PHKB: variants seen among roughly 807,000 people sequenced by gnomAD.
PHKB encodes phosphorylase kinase regulatory subunit beta.
In PHKB, 122 loss-of-function variants were observed where a neutral mutation model predicts 152.1. The observed-to-expected ratio is 0.80, with a 90% CI of 0.69 to 0.93. The LOEUF (loss-of-function observed/expected upper bound fraction) is 0.93, where lower values mean the gene tolerates loss of function less well. Among genes scored for constraint, PHKB ranks in the 40% least tolerant of loss-of-function variants. PHKB has a pLI of 0.00. For synonymous variants in PHKB, 436 were observed against 464.9 expected, an observed-to-expected ratio of 0.94 and a Z score of 0.80; for missense variants, 1,304 against 1,328.4, an observed-to-expected ratio of 0.98 and a Z score of 0.29.
chr16:47,679,663 T>G (rs1177223538), intron 26 of PHKB, among the ~76,000 whole-genome samples: 31 of 152,232 alleles, frequency 2.0e-4, no homozygotes, highest in Admixed American at 2.0e-3. Flanking sequence ...CTTAAGGAGA[T>G]TTTGGGCTAA....
intron 1 of PHKB, among the ~76,000 whole-genome samples, chr16:47,489,290 A>T (rs1970105125): frequency 6.6e-6 from 1 of 152,152 alleles, no homozygotes; most frequent in South Asian, 2.1e-4. Context: ...TGACCTCGTG[A>T]GGAGAACTCC....
At chr16:47,603,751 C>T (rs910271615) in intron 13 of PHKB, among the ~76,000 whole-genome samples, 3 of 152,142 alleles carry the variant, frequency 2.0e-5, no homozygotes, top group African/African-American at 4.8e-5. Flanking sequence ...GCAATCTGCC[C>T]GCCTTGGCCT....
At chr16:47,582,438 C>G (rs895792532) in intron 8 of PHKB, among the ~76,000 whole-genome samples, 1 of 152,186 alleles carries the variant, frequency 6.6e-6, no homozygotes, top group African/African-American at 2.4e-5. Flanking sequence ...TTACTTTACT[C>G]TGCATTTGGA....
At chr16:47,688,913 G>C in intron 26 of PHKB, 128 bp from the exon 27 acceptor site, 1 of 966,804 alleles carries the variant, frequency 1.0e-6, no homozygotes, top group Non-Finnish European at 1.7e-6. Context: ...AACGGTTCAG[G>C]AAACTCAAAC....
intron 26 of PHKB, among the ~76,000 whole-genome samples, chr16:47,685,234 G>A (rs1973942102): frequency 6.6e-6 from 1 of 152,198 alleles, no homozygotes; most frequent in South Asian, 2.1e-4. Context: ...AGACCAGCCT[G>A]TCCAACATGG....
intron 22 of PHKB, 32 bp downstream of exon 22, chr16:47,660,851 A>C (rs1197189710): frequency 1.9e-6 from 3 of 1,610,684 alleles, no homozygotes; most frequent in East Asian, 2.2e-5. Flanking sequence ...CATGGCCCTA[A>C]GTGAGGTTGC....
At position 47,503,092 on chromosome 16, in the gene PHKB, T is replaced by TA. The variant is rs1308116391; in HGVS notation, c.405+6dup. On this transcript the variant is annotated splice_region_variant and intron_variant, in intron 4 of 30. Transcript: ENST00000323584. The stretch of plus-strand genomic sequence containing the variant: ...TGCTATATGCGTCAGGCCGATAAGG[T>TA]AAAACATTGTGGTGTGGACGGGAAT... The TA allele has an allele frequency of 6.4e-7, 1 of 1,561,980 alleles. No individual in the cohort carries two copies. Among genetic ancestry groups the TA allele is most frequent in the Non-Finnish European group, 8.8e-7 (1 of 1,132,688 alleles).
intron 7 of PHKB, chr16:47,566,437 G>C (rs1971568415): frequency 6.2e-7 from 1 of 1,609,470 alleles, no homozygotes; most frequent in South Asian, 1.1e-5. Context: ...TTGAGACTCA[G>C]GGCACTGAGC....
Position 47,588,985 on chromosome 16 carries a change from T to C in PHKB, c.951T>C (p.Leu317=), listed in dbSNP as rs1415458850. 10 of 1,613,690 alleles carry C rather than the reference T, an allele frequency of 6.2e-6. No homozygotes were observed. Among genetic ancestry groups the C allele is most frequent in the Admixed American group, 1.7e-5 (1 of 59,966 alleles). ...ATGAAGTTCTTTTTAGCCAGACACT[T>C]GATAAAGTGGTTAGAAAATTAAAAG... The part of the protein sequence containing the change: ...LDDEVLFSQT[L]DKVVRKLKGK... The change falls in exon 10 of 31, where the codon CTT becomes CTC. Residue 317 remains leucine, a synonymous_variant. Coordinates refer to ENST00000323584, the MANE Select transcript of PHKB (RefSeq NM_000293.3).
Position 47,499,547 on chromosome 16 carries a change from A to G in PHKB, c.167-209A>G, listed in dbSNP as rs2302718. Among the ~76,000 whole-genome samples, 73 of 152,326 alleles carry G rather than the reference A, an allele frequency of 4.8e-4. No individual in the cohort carries two copies. In the East Asian group the frequency reaches 0.014, roughly 29 times the overall value. On this transcript the variant is annotated intron_variant, in intron 2 of 30. Transcript: ENST00000323584. ...CTAATTAGCTGAGTCCTTTCCTAAAACTGGAAAGATTTCTTTATGTAGGGT... is the reference window on the plus strand; with the variant it reads ...CTAATTAGCTGAGTCCTTTCCTAAAGCTGGAAAGATTTCTTTATGTAGGGT...
chr16:47,682,582 C>A (rs1030027390), intron 26 of PHKB, among the ~76,000 whole-genome samples: 2 of 152,222 alleles, frequency 1.3e-5, no homozygotes, highest in African/African-American at 4.8e-5. Context: ...GCATTCTTCA[C>A]ATAGTTCTCG....
In PHKB at chr16:47,594,150, CA is replaced by C. The variant is rs747499173; in HGVS notation, c.1142del (p.Asn381IlefsTer12). The stretch of plus-strand genomic sequence containing the variant: ...TTTATATTTTAGGAGTTTTTAGAGG[CA>C]ATCCTAAGCAAGTACAGGAATATCA... ...YMMIDGVFRG[N>X]PKQVQEYQDL... is the part of the protein sequence containing the mutation. On this transcript the variant is annotated frameshift_variant, in exon 12 of 31. Transcript: ENST00000323584. LOFTEE classifies it high-confidence loss of function. The C allele has an allele frequency of 1.3e-6, 2 of 1,536,732 alleles. No individual in the cohort carries two copies. The highest frequency in any genetic ancestry group is 1.8e-6 in the Non-Finnish European group (2 of 1,110,010).
chr16:47,605,176 A>G (rs550562582), intron 13 of PHKB, among the ~76,000 whole-genome samples: 1 of 152,250 alleles, frequency 6.6e-6, no homozygotes, highest in South Asian at 2.1e-4. Context: ...CTAACCGACT[A>G]ATTTATTATT....
intron 26 of PHKB, among the ~76,000 whole-genome samples, chr16:47,683,955 C>T (rs1316193018): frequency 6.6e-6 from 1 of 151,942 alleles, no homozygotes; most frequent in Non-Finnish European, 1.5e-5. Context: ...CTTGTCTTAT[C>T]TTGAAATCTT....
intron 7 of PHKB, among the ~76,000 whole-genome samples, chr16:47,570,272 T>A (rs1362892509): frequency 2.6e-5 from 4 of 152,228 alleles, no homozygotes; most frequent in Non-Finnish European, 5.9e-5. Flanking sequence ...GATCTCCTTT[T>A]TTCAATGAAT....
At chr16:47,601,140 C>A (rs1972217708) in intron 13 of PHKB, among the ~76,000 whole-genome samples, 1 of 152,056 alleles carries the variant, frequency 6.6e-6, no homozygotes, top group African/African-American at 2.4e-5. Context: ...TCACCTGAGC[C>A]CTGGAGGTCA....
chr16:47,575,202 A>C (rs1408168225), intron 7 of PHKB, among the ~76,000 whole-genome samples: 1 of 152,222 alleles, frequency 6.6e-6, no homozygotes, highest in Non-Finnish European at 1.5e-5. Context: ...GTCAAAAACT[A>C]ACATATTGGA....
At chr16:47,675,250 A>T (rs1973706373) in intron 26 of PHKB, among the ~76,000 whole-genome samples, 1 of 152,104 alleles carries the variant, frequency 6.6e-6, no homozygotes, top group South Asian at 2.1e-4. Context: ...CACCCCTGTT[A>T]CCCTGGTCAG....
chr16:47,663,912 C>T, intron 24 of PHKB, 178 bp downstream of exon 24: 1 of 632,998 alleles, frequency 1.6e-6, no homozygotes, highest in Non-Finnish European at 2.8e-6. Flanking sequence ...CCACTGCCTC[C>T]ACCAAAATTC....
Sources: allele counts gnomAD v4.1 joint callset (sites outside exome capture counted in the v4.1 genomes callset), GRCh38; gene constraint gnomAD v4.1.1; transcripts MANE v1.5; gene names NCBI Gene and HGNC (gene_info 2026-07-23, HGNC 2026-07-21).